Variants in ECSCR observed in about 807,000 individuals in gnomAD.
ECSCR encodes endothelial cell-specific chemotaxis regulator.
Under a neutral mutation model 16.7 loss-of-function variants are expected in ECSCR, and 12 were observed. The ratio of observed to expected loss-of-function variants is 0.72; its 90% CI spans 0.46 to 1.17. The LOEUF is 1.17. Ranked by LOEUF, ECSCR falls within the 50% of genes most tolerant of loss-of-function variation. ECSCR has a pLI of 0.00. For missense variants in ECSCR, 122 were observed against 116.1 expected, an observed-to-expected ratio of 1.05 and a Z score of -0.23; for synonymous variants, 44 against 42.2, an observed-to-expected ratio of 1.04 and a Z score of -0.17.
At chr5:139,457,982 T>A in intron 2 of ECSCR, 157 bp downstream of exon 2, 1 of 611,834 alleles carries the variant, frequency 1.6e-6, no homozygotes, top group Non-Finnish European at 2.0e-6. Flanking sequence ...TGAAAAAAAA[T>A]CCTTAGATGA....
chr5:139,458,277 G>T, intron 1 of ECSCR, 94 bp from the exon 2 acceptor site: 1 of 1,241,482 alleles, frequency 8.1e-7, no homozygotes, highest in South Asian at 1.3e-5. Flanking sequence ...GCCCAGCCTG[G>T]GCAACATAGC....
chr5:139,451,981 T>A (rs1308817086), intron 8 of ECSCR, among the ~76,000 whole-genome samples: 1 of 146,652 alleles, frequency 6.8e-6, no homozygotes, highest in Non-Finnish European at 1.5e-5. Context: ...GGTGTATGTG[T>A]GGTGCATGGG....
In ECSCR at chr5:139,462,599, G is replaced by T. The variant is rs562993002; in HGVS notation, c.61+11C>A. On this transcript the variant is annotated intron_variant, in intron 1 of 9. Coordinates refer to ENST00000618155, the MANE Select transcript of ECSCR (RefSeq NM_001077693.4). ...AGGAATTGCCATGGGAAAGCGGCAG[G>T]CACCTCTTACCTCGGAACAGGAGGA... The T allele has an allele frequency of 4.4e-6, 7 of 1,593,144 alleles. No individual in the cohort carries two copies. In the East Asian group the frequency reaches 1.1e-4, roughly 26 times the overall value.
intron 5 of ECSCR, 62 bp downstream of exon 5, chr5:139,456,412 A>T: frequency 2.5e-6 from 1 of 398,306 alleles, no homozygotes; most frequent in Admixed American, 4.4e-5. Flanking sequence ...GGATAAGACG[A>T]GAGAAAGGGT....
At chr5:139,458,575 G>A (rs1292447207) in intron 1 of ECSCR, among the ~76,000 whole-genome samples, 3 of 148,034 alleles carry the variant, frequency 2.0e-5, no homozygotes, top group Non-Finnish European at 3.0e-5. Context: ...GGCCAGGTGC[G>A]GTGGTTCACA....
At chr5:139,456,218 G>A (rs1362602344) in intron 5 of ECSCR, among the ~76,000 whole-genome samples, 2 of 152,148 alleles carry the variant, frequency 1.3e-5, no homozygotes, top group South Asian at 2.1e-4. Flanking sequence ...AGCCGGGATC[G>A]CACCGCTGCA....
chr5:139,460,633 C>T (rs942170915), intron 1 of ECSCR, among the ~76,000 whole-genome samples: 5 of 152,094 alleles, frequency 3.3e-5, no homozygotes, highest in African/African-American at 1.2e-4. Context: ...CTTTTTGTCA[C>T]CAACAAAGAT....
chr5:139,454,146 GGTGT>G (rs1207263373), intron 8 of ECSCR, among the ~76,000 whole-genome samples: 3 of 144,128 alleles, frequency 2.1e-5, no homozygotes, highest in Non-Finnish European at 3.1e-5. Flanking sequence ...TGATGAGTGG[GGTGT>G]GTGTGTGTGT....
intron 3 of ECSCR, 47 bp from the exon 4 acceptor site, chr5:139,457,651 G>T: frequency 7.7e-7 from 1 of 1,300,696 alleles, no homozygotes; most frequent in Non-Finnish European, 1.1e-6. Flanking sequence ...GGTAGGTTTG[G>T]TGACACCACA....
intron 5 of ECSCR, among the ~76,000 whole-genome samples, chr5:139,455,708 G>A (rs1751141752): frequency 1.3e-5 from 2 of 151,740 alleles, no homozygotes; most frequent in African/African-American, 2.4e-5. Flanking sequence ...CTGGTGCGGT[G>A]GCTCATGCCT....
intron 1 of ECSCR, among the ~76,000 whole-genome samples, chr5:139,458,511 A>C (rs1751216891): frequency 6.8e-4 from 9 of 13,150 alleles, no homozygotes; most frequent in Non-Finnish European, 4.1e-3. Flanking sequence ...AAAAAAAAAA[A>C]AAAAAAAAAA....
chr5:139,451,615 G>A (rs1464035400), intron 8 of ECSCR, among the ~76,000 whole-genome samples: 4 of 147,792 alleles, frequency 2.7e-5, no homozygotes, highest in Non-Finnish European at 6.0e-5. Context: ...ATGGGGGGAT[G>A]TGTGTGGTGT....
At chr5:139,451,283 G>A (rs942614272) in intron 8 of ECSCR, among the ~76,000 whole-genome samples, 1 of 149,840 alleles carries the variant, frequency 6.7e-6, no homozygotes. Context: ...TGTCATGTAT[G>A]TGATGTGTGG....
rs531607373 is a variant in ECSCR, at chr5:139,449,993, C to G, written c.513-819G>C. ...TCACTGCAACCTCCGCCTCTGGGTTCAAGCAATTCTCCTGCCTCAGCTTCC... is the reference window on the plus strand; with the variant it reads ...TCACTGCAACCTCCGCCTCTGGGTTGAAGCAATTCTCCTGCCTCAGCTTCC... On this transcript the variant is annotated intron_variant, in intron 8 of 9. Transcript: ENST00000618155. 2.6e-5 allele frequency among the ~76,000 whole-genome samples: 4 copies of G among 152,174 alleles called. No homozygotes were observed. In the South Asian group the frequency reaches 8.3e-4, roughly 32 times the overall value.
At chr5:139,455,721 A>T (rs1465190477) in intron 5 of ECSCR, among the ~76,000 whole-genome samples, 1 of 151,200 alleles carries the variant, frequency 6.6e-6, no homozygotes, top group Non-Finnish European at 1.5e-5. Context: ...TCATGCCTGC[A>T]ATCCCAATAC....
rs1751184682 is a variant in ECSCR, at chr5:139,457,531, G to C, written c.217+14C>G. ...CCTCCCTGGATGGCATTTGTAGTCT[G>C]AATGACACAGTACCTGGGGTACCAG... On this transcript the variant is annotated intron_variant, in intron 4 of 9. Transcript: ENST00000618155. 2.6e-6 allele frequency: 2 copies of C among 783,080 alleles called. No homozygotes were observed. The highest frequency in any genetic ancestry group is 4.8e-6 in the Non-Finnish European group (2 of 420,030). The allele number at this position is 783,080 out of a possible 1,614,324, so 48.5% of individuals were successfully genotyped here.
At chr5:139,455,814 TAAAAAAAAAAA>T (rs1187505493) in intron 5 of ECSCR, among the ~76,000 whole-genome samples, 1 of 49,034 alleles carries the variant, frequency 2.0e-5, no homozygotes, top group African/African-American at 7.7e-5. Flanking sequence ...CCATCTCTCC[TAAAAAAAAAAA>T]AAAAAAAAAA....
At chr5:139,457,093 ATGTGCACCGGGTGGGCTC>A (rs1448099984) in intron 4 of ECSCR, among the ~76,000 whole-genome samples, 1 of 152,228 alleles carries the variant, frequency 6.6e-6, no homozygotes, top group Non-Finnish European at 1.5e-5. Flanking sequence ...CTTGGCCGGC[ATGTGCACCGGGTGGGCTC>A]TTCAGTCCAA....
chr5:139,451,237 G>T (rs1271627492), intron 8 of ECSCR, among the ~76,000 whole-genome samples: 4 of 149,920 alleles, frequency 2.7e-5, no homozygotes, highest in Non-Finnish European at 5.9e-5. Flanking sequence ...GGTATGGGGT[G>T]TGTGGGGTGT....
Sources: gnomAD v4.1 joint callset for allele counts (sites outside exome capture counted in the v4.1 genomes callset) on GRCh38, gnomAD v4.1.1 for gene constraint, MANE v1.5 for transcripts, NCBI Gene and HGNC (gene_info 2026-07-23, HGNC 2026-07-21) for gene names.